LRP6: variants seen among roughly 807,000 people sequenced by gnomAD.
LRP6 encodes the protein LDL receptor related protein 6.
LRP6 carries 43 observed loss-of-function variants against 184.1 expected under a neutral mutation model. That is an observed-to-expected ratio of 0.23 (90% confidence interval 0.18 to 0.30). The LOEUF is 0.30. Ranked by LOEUF, LRP6 falls within the 10% of genes least tolerant of loss-of-function variation. The probability of loss-of-function intolerance (pLI) is 1.00; values close to 1 mark genes in which losing one functional copy is unlikely to be tolerated. For synonymous variants in LRP6, 719 were observed against 684.9 expected (o/e 1.05, Z -0.78); for missense variants, 1,571 against 2,005.3 (o/e 0.78, Z 4.14).
rs397515473 is a variant in LRP6 at position 12,181,118 on chromosome 12, T to C, written c.1298A>G (p.Asn433Ser). The C allele has an allele frequency of 5.1e-5, 83 of 1,614,004 alleles. No homozygotes were observed. Among genetic ancestry groups the C allele is most frequent in the Non-Finnish European group, 5.8e-5 (69 of 1,179,990 alleles). ...AATCAAGATCTTCCTCATGGTCCCA[T>C]TGAGCCTTGTCACTTCTATTCGATC... ...GTDRIEVTRL[N>S]GTMRKILISE... The change falls in exon 6 of 23, where the codon AAT becomes AGT. Residue 433 changes from asparagine to serine, a missense_variant. This residue lies in a region of LRP6 where 640 missense variants were observed against 851.9 expected (regional missense o/e 0.75). Coordinates refer to ENST00000261349, the MANE Select transcript of LRP6 (RefSeq NM_002336.3).
At chr12:12,232,093 T>TAAGTGGTC (rs1047455520) in intron 2 of LRP6, among the ~76,000 whole-genome samples, 5 of 151,822 alleles carry the variant, frequency 3.3e-5, no homozygotes, top group African/African-American at 1.2e-4. Context: ...TTTAAATAGT[T>TAAGTGGTC]AAGTGGTCGG....
intron 17 of LRP6, among the ~76,000 whole-genome samples, chr12:12,134,287 A>G (rs1198708546): frequency 1.3e-5 from 2 of 152,092 alleles, no homozygotes; most frequent in African/African-American, 2.4e-5. Context: ...TAATAGCTGT[A>G]TAAACTCAGT....
chr12:12,180,716 AG>A (rs1448151582), intron 6 of LRP6, among the ~76,000 whole-genome samples: 1 of 152,226 alleles, frequency 6.6e-6, no homozygotes, highest in African/African-American at 2.4e-5. Context: ...TAAAGCTTCT[AG>A]GGGAAGGGAA....
chr12:12,180,135 G>A (rs1863306928), intron 6 of LRP6, among the ~76,000 whole-genome samples, 154 bp from the exon 7 acceptor site: 1 of 149,032 alleles, frequency 6.7e-6, no homozygotes, highest in African/African-American at 2.5e-5. Flanking sequence ...AGGTGTTTAA[G>A]ACATTTATCC....
chr12:12,155,926 TTGAG>T (rs1032178077), intron 12 of LRP6, among the ~76,000 whole-genome samples: 4 of 152,184 alleles, frequency 2.6e-5, no homozygotes, highest in African/African-American at 9.7e-5. Flanking sequence ...CAATAATTTC[TTGAG>T]TATCTACCAC....
chr12:12,227,974 G>A (rs1313571258), intron 2 of LRP6, among the ~76,000 whole-genome samples: 1 of 152,182 alleles, frequency 6.6e-6, no homozygotes, highest in Non-Finnish European at 1.5e-5. Flanking sequence ...GTAAAGCTTG[G>A]CACTCATTTT....
intron 15 of LRP6, among the ~76,000 whole-genome samples, chr12:12,140,191 C>G (rs1400093315): frequency 6.6e-6 from 1 of 150,532 alleles, no homozygotes; most frequent in African/African-American, 2.4e-5. Flanking sequence ...CAAATAAATA[C>G]CAATTAAAAA....
chr12:12,124,724 C>T, intron 21 of LRP6, 62 bp from the exon 22 acceptor site: 1 of 1,064,294 alleles, frequency 9.4e-7, no homozygotes, highest in South Asian at 1.4e-5. Context: ...GACTTTCTTT[C>T]AACTTTTCTT....
At chr12:12,175,248 G>C (rs1382880883) in intron 7 of LRP6, among the ~76,000 whole-genome samples, 1 of 152,018 alleles carries the variant, frequency 6.6e-6, no homozygotes, top group Non-Finnish European at 1.5e-5. Context: ...ACTTAGCTAG[G>C]CGTGGTGGCA....
At chr12:12,151,108 C>A in intron 12 of LRP6, 70 bp from the exon 13 acceptor site, 1 of 1,289,994 alleles carries the variant, frequency 7.8e-7, no homozygotes, top group South Asian at 1.3e-5. Flanking sequence ...ATGATTTGAT[C>A]AGCCTGTTGT....
At chr12:12,246,450 C>T (rs1010367602) in intron 1 of LRP6, among the ~76,000 whole-genome samples, 4 of 151,820 alleles carry the variant, frequency 2.6e-5, no homozygotes, top group African/African-American at 4.8e-5. Context: ...CGGTGGCTCA[C>T]GCCTGTAATC....
intron 1 of LRP6, among the ~76,000 whole-genome samples, chr12:12,262,400 A>C (rs1010031788): frequency 1.3e-5 from 2 of 151,952 alleles, no homozygotes; most frequent in African/African-American, 4.8e-5. Flanking sequence ...AAATACAAAA[A>C]TACAAAAATA....
At chr12:12,168,532 G>C (rs971997969) in intron 7 of LRP6, among the ~76,000 whole-genome samples, 1 of 152,172 alleles carries the variant, frequency 6.6e-6, no homozygotes, top group African/African-American at 2.4e-5. Flanking sequence ...CCTATGGCAG[G>C]TATTAAATTC....
At chr12:12,135,130 T>C in intron 17 of LRP6, 45 bp downstream of exon 17, 2 of 1,612,830 alleles carry the variant, frequency 1.2e-6, no homozygotes, top group Non-Finnish European at 1.7e-6. Flanking sequence ...AGATATGGAA[T>C]ATGTTTGCAT....
At chr12:12,160,799 C>CAAAT (rs775761303) in intron 10 of LRP6, among the ~76,000 whole-genome samples, 16 of 152,200 alleles carry the variant, frequency 1.1e-4, no homozygotes, top group Non-Finnish European at 2.1e-4. Flanking sequence ...AATCCTTGGC[C>CAAAT]AAATGCCCTT....
chr12:12,172,269 A>G (rs1591912501), intron 7 of LRP6, among the ~76,000 whole-genome samples: 1 of 152,230 alleles, frequency 6.6e-6, no homozygotes, highest in African/African-American at 2.4e-5. Context: ...TCTAAACCAC[A>G]CTGAGAATAT....
chr12:12,164,014 T>A (rs1862806308), intron 9 of LRP6, among the ~76,000 whole-genome samples: 1 of 151,752 alleles, frequency 6.6e-6, no homozygotes, highest in African/African-American at 2.4e-5. Flanking sequence ...CCTGTAGTCC[T>A]AGCTGCTCGG....
intron 15 of LRP6, among the ~76,000 whole-genome samples, chr12:12,140,341 G>A (rs1241622275): frequency 6.6e-6 from 1 of 152,118 alleles, no homozygotes; most frequent in South Asian, 2.1e-4. Context: ...AGACAAATTT[G>A]AGAAGCTCTC....
chr12:12,145,628 T>TTC (rs1555105799), intron 15 of LRP6, among the ~76,000 whole-genome samples: 5 of 119,812 alleles, frequency 4.2e-5, no homozygotes, highest in African/African-American at 1.6e-4. Context: ...CTTTTTCTTT[T>TTC]TTTTTTTTTT....
Sources: gnomAD v4.1 joint callset for allele counts (sites outside exome capture counted in the v4.1 genomes callset) on GRCh38, gnomAD v4.1.1 for gene constraint, gnomAD v4.1.1 regional missense constraint, MANE v1.5 for transcripts, NCBI Gene and HGNC (gene_info 2026-07-23, HGNC 2026-07-21) for gene names.